USP49: variants seen among roughly 807,000 people sequenced by gnomAD.
USP49 encodes ubiquitin specific peptidase 49.
In USP49, 24 loss-of-function variants were observed where a neutral mutation model predicts 58.6. That is an observed-to-expected ratio of 0.41 (90% confidence interval 0.30 to 0.58). The LOEUF (loss-of-function observed/expected upper bound fraction) is 0.58. Among genes scored for constraint, USP49 ranks in the 20% least tolerant of loss-of-function variants. The pLI is 0.30. For synonymous variants in USP49, 408 were observed against 365.1 expected (o/e 1.12, Z -1.34); for missense variants, 703 against 866.1 (o/e 0.81, Z 2.36).
intron 3 of USP49, among the ~76,000 whole-genome samples, chr6:41,817,835 C>T (rs754013598): frequency 2.0e-5 from 3 of 152,040 alleles, no homozygotes; most frequent in Non-Finnish European, 2.9e-5. Context: ...AGACTGGTCT[C>T]GAACTCCTGA....
intron 5 of USP49, among the ~76,000 whole-genome samples, chr6:41,800,481 G>A (rs955271363): frequency 2.6e-5 from 4 of 152,170 alleles, no homozygotes; most frequent in African/African-American, 4.8e-5. Flanking sequence ...GCAACTTTGC[G>A]TATAATGGAA....
chr6:41,812,944 G>C (rs970152210), intron 3 of USP49, among the ~76,000 whole-genome samples: 2 of 152,064 alleles, frequency 1.3e-5, no homozygotes, highest in African/African-American at 4.8e-5. Flanking sequence ...AATATATACA[G>C]ATAGAGAATT....
intron 3 of USP49, among the ~76,000 whole-genome samples, chr6:41,827,664 G>A: frequency 9.3e-6 from 1 of 107,474 alleles, no homozygotes; most frequent in Non-Finnish European, 1.8e-5. Context: ...AATACAGCAA[G>A]ACTCTGTCTC....
intron 5 of USP49, among the ~76,000 whole-genome samples, chr6:41,802,695 T>C (rs759837158): frequency 3.2e-4 from 49 of 151,930 alleles, no homozygotes; most frequent in Non-Finnish European, 6.6e-4. Flanking sequence ...ACTTTTAGTT[T>C]CCAAATCTAT....
chr6:41,876,173 C>A (rs1774501354), intron 2 of USP49, among the ~76,000 whole-genome samples: 3 of 152,182 alleles, frequency 2.0e-5, no homozygotes, highest in Admixed American at 6.5e-5. Context: ...CCACGCACAT[C>A]CCCTCAGTGC....
chr6:41,798,821 T>G lies in USP49; in HGVS notation c.1779A>C (p.Lys593Asn). The change falls in exon 7 of 8, where the codon AAA (lysine) becomes AAC (asparagine). Residue 593 changes from lysine (K) to asparagine (N), a missense_variant. This residue lies in a region of USP49 where 158 missense variants were observed against 241.2 expected (regional missense o/e 0.66). Coordinates refer to ENST00000682992, the MANE Select transcript of USP49 (RefSeq NM_001286554.2). ...CCRDMLSSLD[K>N]ETFAYDLSAV... ...CGGAGAGATCATAGGCAAAGGTCTC[T>G]TTGTCAAGAGAGGAGAGCATGTCCC... 3.1e-6 allele frequency: 5 copies of G among 1,614,012 alleles called. No individual in the cohort carries two copies. The highest frequency in any genetic ancestry group is 4.2e-6 in the Non-Finnish European group (5 of 1,180,000).
chr6:41,878,050 T>C (rs1774533464), intron 2 of USP49, among the ~76,000 whole-genome samples: 1 of 152,136 alleles, frequency 6.6e-6, no homozygotes, highest in Non-Finnish European at 1.5e-5. Flanking sequence ...TGCTCATTTG[T>C]AAAGGATGTA....
At chr6:41,797,333 C>T (rs983972597) in intron 7 of USP49, among the ~76,000 whole-genome samples, 20 of 152,090 alleles carry the variant, frequency 1.3e-4, no homozygotes, top group African/African-American at 4.8e-4. Context: ...GAAAGAGCTG[C>T]GATACTGCAG....
intron 5 of USP49, among the ~76,000 whole-genome samples, chr6:41,801,346 T>TGAAA (rs1397735591): frequency 6.6e-6 from 1 of 152,194 alleles, no homozygotes; most frequent in Non-Finnish European, 1.5e-5. Flanking sequence ...GTACTACTCA[T>TGAAA]GAAAGGTAGC....
At chr6:41,838,082 C>G (rs1353911997) in intron 3 of USP49, among the ~76,000 whole-genome samples, 1 of 152,160 alleles carries the variant, frequency 6.6e-6, no homozygotes, top group South Asian at 2.1e-4. Flanking sequence ...TACTATTTAA[C>G]CCAGCAATCC....
intron 2 of USP49, among the ~76,000 whole-genome samples, chr6:41,884,600 C>T (rs867440765): frequency 6.6e-6 from 1 of 152,174 alleles, no homozygotes; most frequent in Non-Finnish European, 1.5e-5. Flanking sequence ...GGCCTTTGTA[C>T]ACCAAAGCTA....
rs908381512 is a variant in USP49 at position 41,790,324 on chromosome 6, G to A, written c.*6209C>T. 3.9e-5 allele frequency: 6 copies of A among 152,216 alleles called. No homozygotes were observed. Among genetic ancestry groups the A allele is most frequent in the Non-Finnish European group, 8.8e-5 (6 of 68,052 alleles). 9.4% of individuals were successfully genotyped at this position (152,216 alleles called of 1,614,324 possible). A position where few individuals can be genotyped will look rare whatever the true frequency, so the allele number is the denominator to read the frequency against. On this transcript the variant is annotated 3_prime_UTR_variant, in exon 8 of 8. Transcript: ENST00000682992. ...TGGTCACTAAAGTGACACTGCTGAGGCAGCTGCTTCCTTCAGAAGGAAATG... is the reference window on the plus strand; with the variant it reads ...TGGTCACTAAAGTGACACTGCTGAGACAGCTGCTTCCTTCAGAAGGAAATG...
intron 3 of USP49, among the ~76,000 whole-genome samples, chr6:41,853,616 TC>T (rs1422948992): frequency 2.0e-5 from 3 of 152,160 alleles, no homozygotes; most frequent in Non-Finnish European, 4.4e-5. Context: ...GTTTACAATC[TC>T]ATATAGAAGA....
intron 3 of USP49, among the ~76,000 whole-genome samples, chr6:41,830,839 AT>A (rs938644496): frequency 9.9e-5 from 15 of 150,814 alleles, no homozygotes; most frequent in East Asian, 7.9e-4. Context: ...AAAAAAAAAA[AT>A]TTAGGAAAGC....
At chr6:41,895,122 C>A (rs567188733) in intron 1 of USP49, among the ~76,000 whole-genome samples, 1 of 149,722 alleles carries the variant, frequency 6.7e-6, no homozygotes, top group Non-Finnish European at 1.5e-5. Context: ...GCCTTTGTCG[C>A]CCCTCACCCG....
rs533796884 is a variant in USP49 at position 41,817,635 on chromosome 6, A to G, written c.-28-10624T>C. ...CCACCATTTTTCTTTTTTCTTTTTG[A>G]GATGGAATCTCGCTGTGTCATCTAG... On this transcript the variant is annotated intron_variant, in intron 3 of 7. Transcript: ENST00000682992. Among the ~76,000 whole-genome samples the G allele has an allele frequency of 4.7e-5, 7 of 150,026 alleles. 1 individual carries two copies. Among genetic ancestry groups the G allele is most frequent in the African/African-American group, 1.7e-4 (7 of 40,776 alleles).
chr6:41,892,487 A>T (rs1005601721), intron 1 of USP49, among the ~76,000 whole-genome samples: 4 of 152,232 alleles, frequency 2.6e-5, no homozygotes, highest in African/African-American at 7.2e-5. Flanking sequence ...ATTTTTACCA[A>T]GATCCTCTGT....
intron 3 of USP49, among the ~76,000 whole-genome samples, chr6:41,815,783 A>G (rs370211197): frequency 5.3e-4 from 80 of 152,364 alleles, no homozygotes; most frequent in African/African-American, 1.9e-3. Context: ...TAGGTGTGCC[A>G]GAGCCCTTGT....
At chr6:41,895,132 G>T (rs1185827117) in intron 1 of USP49, among the ~76,000 whole-genome samples, 192 bp downstream of exon 1, 1 of 134,900 alleles carries the variant, frequency 7.4e-6, no homozygotes, top group Admixed American at 8.3e-5. Flanking sequence ...CCCCTCACCC[G>T]GTGTGTGAGG....
Sources: allele counts gnomAD v4.1 joint callset (sites outside exome capture counted in the v4.1 genomes callset), GRCh38; gene constraint gnomAD v4.1.1; regional missense constraint gnomAD v4.1.1; transcripts MANE v1.5; gene names NCBI Gene and HGNC (gene_info 2026-07-23, HGNC 2026-07-21).